Variants in HEPH observed in about 807,000 individuals in gnomAD.
HEPH encodes the protein hephaestin.
A neutral mutation model predicts 80.8 loss-of-function variants in HEPH; 69 were observed. The ratio of observed to expected loss-of-function variants is 0.85; its 90% CI spans 0.70 to 1.04. The LOEUF (loss-of-function observed/expected upper bound fraction) is 1.04, where lower values mean the gene tolerates loss of function less well. Ranked by LOEUF, HEPH falls within the 50% of genes least tolerant of loss-of-function variation. HEPH has a pLI of 0.00. For missense variants in HEPH, 1,115 were observed against 891.3 expected (o/e 1.25, Z -3.20); for synonymous variants, 431 against 322.8 (o/e 1.34, Z -3.60).
intron 12 of HEPH, 147 bp from the exon 13 acceptor site, chrX:66,203,217 T>C: frequency 2.2e-6 from 1 of 461,005 alleles, no homozygotes; most frequent in Non-Finnish European, 3.7e-6. Context: ...AATACTCTTT[T>C]ATCTATGTGT....
intron 1 of HEPH, chrX:66,170,216 A>T: frequency 6.9e-6 from 1 of 144,463 alleles, no homozygotes; most frequent in African/African-American, 3.0e-5. Context: ...AATTAGTGTT[A>T]GTGGCCCAAT....
In HEPH at chrX:66,199,091, G is replaced by A. The variant is rs1320968042; in HGVS notation, c.1864+63G>A. 1.2e-5 allele frequency: 13 copies of A among 1,067,226 alleles called. No homozygotes were observed. The East Asian group carries it at 1.5e-4, about 12-fold the overall frequency. The allele number at this position is 1,067,226 out of a possible 1,213,427, so 88.0% of individuals were successfully genotyped here. ...TCCCAAGTAAAATCTAACTTTAACC[G>A]TAATCATGACCAATCCTGAAAACAC... On this transcript the variant is annotated intron_variant, in intron 11 of 20. Transcript: ENST00000343002.
chrX:66,175,302 A>G (rs1602208087), intron 4 of HEPH, among the ~76,000 whole-genome samples: 2 of 111,805 alleles, frequency 1.8e-5, no homozygotes, highest in Admixed American at 1.9e-4. Flanking sequence ...TGATTTGTCA[A>G]AGATCAGTTG....
Position 66,192,429 on chromosome X carries a change from C to A in HEPH, c.1232+131C>A, listed in dbSNP as rs2087849616. The stretch of plus-strand genomic sequence containing the variant: ...ATTGTCTGGCTGGGGTTACATGAAC[C>A]AACTGTTAGCCAAGTTCTTGTGTCC... On this transcript the variant is annotated intron_variant, in intron 7 of 20. Transcript: ENST00000343002. 13 of 689,102 alleles carry A rather than the reference C, an allele frequency of 1.9e-5. 1 individual carries two copies. Among genetic ancestry groups the A allele is most frequent in the Non-Finnish European group, 2.8e-5 (13 of 471,862 alleles). 56.8% of individuals were successfully genotyped at this position (689,102 alleles called of 1,213,427 possible). A position where few individuals can be genotyped will look rare whatever the true frequency, so the allele number is the denominator to read the frequency against.
chrX:66,224,066 T>C (rs192827071), intron 15 of HEPH, among the ~76,000 whole-genome samples: 1 of 100,775 alleles, frequency 9.9e-6, no homozygotes, highest in East Asian at 2.8e-4. Context: ...TACTAAATTC[T>C]GCAGCCCCTC....
chrX:66,197,104 C>G (rs910824746), intron 9 of HEPH, among the ~76,000 whole-genome samples: 9 of 110,045 alleles, frequency 8.2e-5, no homozygotes, highest in Non-Finnish European at 1.5e-4. Flanking sequence ...TTACTGATGG[C>G]ATGAAAATTT....
At chrX:66,243,930 A>G (rs1262663304) in intron 15 of HEPH, among the ~76,000 whole-genome samples, 1 of 111,720 alleles carries the variant, frequency 9.0e-6, no homozygotes, top group Non-Finnish European at 1.9e-5. Flanking sequence ...CTTCTTGTAT[A>G]AAGCTTAGTT....
chrX:66,229,123 C>A (rs1393840738), intron 15 of HEPH, among the ~76,000 whole-genome samples: 1 of 111,913 alleles, frequency 8.9e-6, no homozygotes, highest in African/African-American at 3.2e-5. Flanking sequence ...AAATATGGAA[C>A]CAGCTTAAAT....
intron 1 of HEPH, chrX:66,170,324 C>T: frequency 3.1e-6 from 1 of 325,848 alleles, no homozygotes; most frequent in Non-Finnish European, 5.4e-6. Flanking sequence ...TCTGAAGGAA[C>T]TAGTAATACA....
chrX:66,179,577 T>C (rs769526454), intron 4 of HEPH, among the ~76,000 whole-genome samples: 41 of 111,826 alleles, frequency 3.7e-4, no homozygotes, highest in African/African-American at 1.1e-3. Flanking sequence ...GTTAAGCCTA[T>C]TTGTTCCAAG....
intron 4 of HEPH, among the ~76,000 whole-genome samples, chrX:66,177,226 T>A (rs1049317162): frequency 8.9e-5 from 10 of 112,258 alleles, no homozygotes; most frequent in Non-Finnish European, 1.7e-4. Flanking sequence ...ATTAGGGTGA[T>A]GCTGGCTTCA....
intron 4 of HEPH, among the ~76,000 whole-genome samples, chrX:66,176,275 T>C (rs1052527749): frequency 8.9e-6 from 1 of 112,214 alleles, no homozygotes; most frequent in African/African-American, 3.2e-5. Context: ...GTGATGATCA[T>C]GTAATTTTTT....
At chrX:66,173,271 G>T (rs990639631) in intron 3 of HEPH, among the ~76,000 whole-genome samples, 1 of 112,131 alleles carries the variant, frequency 8.9e-6, no homozygotes, top group African/African-American at 3.2e-5. Context: ...AGGGAATTCT[G>T]TCTTCTTGCT....
At chrX:66,254,860 T>A (rs1184207495) in intron 15 of HEPH, among the ~76,000 whole-genome samples, 175 bp from the exon 16 acceptor site, 2 of 106,892 alleles carry the variant, frequency 1.9e-5, no homozygotes, top group Non-Finnish European at 3.9e-5. Flanking sequence ...AAAAGAAAGG[T>A]TGAGGGTGTC....
chrX:66,197,747 C>G lies in HEPH; in HGVS notation c.1566C>G (p.Pro522=), dbSNP rs371004889. ...FEKVTYRWTV[P]PHAGPTAQDP... ...AAGTAACATACCGCTGGACAGTCCC[C>G]CCTCATGCCGGTCCCACTGCTCAGG... Residue 522 remains proline, a synonymous_variant, in exon 10 of 21, where the codon CCC becomes CCG. Transcript: ENST00000343002. The G allele has an allele frequency of 2.5e-6, 3 of 1,210,051 alleles. No homozygotes were observed. The highest frequency in any genetic ancestry group is 3.5e-5 in the African/African-American group (2 of 57,258).
At chrX:66,236,852 G>A (rs2090380844) in intron 15 of HEPH, among the ~76,000 whole-genome samples, 1 of 111,025 alleles carries the variant, frequency 9.0e-6, no homozygotes, top group Non-Finnish European at 1.9e-5. Flanking sequence ...TCTTGGGAGG[G>A]CGTATATGTC....
intron 15 of HEPH, among the ~76,000 whole-genome samples, chrX:66,229,960 AT>A (rs1442261041): frequency 7.7e-5 from 6 of 77,795 alleles, no homozygotes; most frequent in Non-Finnish European, 1.4e-4. Context: ...AGAGTGTGAT[AT>A]TCCCCTTCCT....
intron 15 of HEPH, among the ~76,000 whole-genome samples, chrX:66,248,535 T>A (rs773752293): frequency 5.3e-5 from 6 of 112,195 alleles, no homozygotes; most frequent in Non-Finnish European, 1.1e-4. Context: ...AGAGAAGCCG[T>A]AAAGTGCTTC....
At position 66,240,596 on chromosome X, in the gene HEPH, T is replaced by TA. The variant is rs745917012; in HGVS notation, c.2564-14432dup. 1.1e-4 allele frequency among the ~76,000 whole-genome samples: 12 copies of TA among 107,198 alleles called. No homozygotes were observed. The South Asian group carries it at 2.0e-3, about 18-fold the overall frequency. The allele number at this position is 107,198 out of a possible 115,157, so 93.1% of individuals were successfully genotyped here. On this transcript the variant is annotated intron_variant, in intron 15 of 20. Transcript: ENST00000343002. Reference sequence around the variant, plus strand: ...AAAACCAAAGACATTCAGAAAATCTTAAAAAAACAGAGAAAATAAAATGAA... The same window carrying TA: ...AAAACCAAAGACATTCAGAAAATCTTAAAAAAAACAGAGAAAATAAAATGAA...
Sources: allele counts gnomAD v4.1 joint callset (sites outside exome capture counted in the v4.1 genomes callset), GRCh38; gene constraint gnomAD v4.1.1; transcripts MANE v1.5; gene names NCBI Gene and HGNC (gene_info 2026-07-23, HGNC 2026-07-21).